The following DCC variants were observed in gnomAD, a reference collection of about 807,000 sequenced individuals.
DCC encodes the protein DCC netrin 1 receptor.
In DCC, 58 loss-of-function variants were observed where a neutral mutation model predicts 172.5. That is an observed-to-expected ratio of 0.34 (90% CI 0.27 to 0.42). DCC has a LOEUF of 0.42. DCC is among the 10% of genes least tolerant of loss of function. The probability of loss-of-function intolerance (pLI) is 1.00; values close to 1 mark genes in which losing one functional copy is unlikely to be tolerated. For synonymous variants in DCC, 709 were observed against 644.5 expected, an observed-to-expected ratio of 1.10 and a Z score of -1.52; for missense variants, 1,740 against 1,791.0, an observed-to-expected ratio of 0.97 and a Z score of 0.51.
Position 53,351,466 on chromosome 18 carries a change from G to GTGTGTATA in DCC, c.2359+11560_2359+11561insGTGTATAT, listed in dbSNP as rs1568075540. 2.4e-4 allele frequency among the ~76,000 whole-genome samples: 9 copies of GTGTGTATA among 37,294 alleles called. 1 individual carries two copies. Among genetic ancestry groups the GTGTGTATA allele is most frequent in the African/African-American group, 3.5e-4 (3 of 8,590 alleles). The allele number at this position is 37,294 out of a possible 152,430, so 24.5% of individuals were successfully genotyped here. On this transcript the variant is annotated intron_variant, in intron 15 of 28. Transcript: ENST00000442544. Reference sequence around the variant, plus strand: ...GTGTATATATATATATACACAGTGTGTATATATATATATATATATATATAG... The same window carrying GTGTGTATA: ...GTGTATATATATATATACACAGTGTGTGTGTATATATATATATATATATATATATATAG...
chr18:52,857,793 T>C (rs1255347942), intron 2 of DCC, among the ~76,000 whole-genome samples: 1 of 152,164 alleles, frequency 6.6e-6, no homozygotes, highest in Non-Finnish European at 1.5e-5. Flanking sequence ...TAGAAAAAGG[T>C]CGCTGTCAGT....
intron 27 of DCC, among the ~76,000 whole-genome samples, chr18:53,507,358 A>AC (rs1185825146): frequency 3.3e-5 from 5 of 152,212 alleles, no homozygotes; most frequent in Admixed American, 6.5e-5. Flanking sequence ...AAACAGTTTA[A>AC]CCATCAGCAA....
chr18:52,655,677 A>G (rs1486252044), intron 1 of DCC, among the ~76,000 whole-genome samples: 1 of 152,190 alleles, frequency 6.6e-6, no homozygotes. Flanking sequence ...TAAAGGACAT[A>G]GGCAGTTGTA....
At chr18:52,386,084 G>A (rs1189492781) in intron 1 of DCC, among the ~76,000 whole-genome samples, 1 of 152,028 alleles carries the variant, frequency 6.6e-6, no homozygotes, top group South Asian at 2.1e-4. Context: ...TCTAGCATAA[G>A]GTCAGAACTC....
intron 1 of DCC, among the ~76,000 whole-genome samples, chr18:52,497,647 T>A (rs2030855236): frequency 6.6e-6 from 1 of 152,098 alleles, no homozygotes; most frequent in South Asian, 2.1e-4. Context: ...TAGTAGTAGG[T>A]GCTGCTTATG....
At chr18:53,059,060 A>G (rs2042456160) in intron 5 of DCC, among the ~76,000 whole-genome samples, 1 of 152,082 alleles carries the variant, frequency 6.6e-6, no homozygotes. Context: ...GGAGGCAAAC[A>G]TGTCTTTGTT....
intron 7 of DCC, among the ~76,000 whole-genome samples, chr18:53,145,105 CTTTT>C (rs57501246): frequency 2.7e-5 from 1 of 36,908 alleles, no homozygotes; most frequent in Non-Finnish European, 4.4e-5. Flanking sequence ...GAGGGCTCTG[CTTTT>C]TTTTTTTTTT....
At chr18:52,907,494 G>T (rs2039906665) in intron 3 of DCC, among the ~76,000 whole-genome samples, 1 of 151,928 alleles carries the variant, frequency 6.6e-6, no homozygotes, top group Non-Finnish European at 1.5e-5. Context: ...ACAGCTCACT[G>T]CTGCCTCAAC....
intron 7 of DCC, among the ~76,000 whole-genome samples, chr18:53,114,249 C>T (rs2043377685): frequency 7.1e-6 from 1 of 141,150 alleles, no homozygotes; most frequent in Non-Finnish European, 1.5e-5. Flanking sequence ...TTTTAATGAA[C>T]ACCCCCCCCA....
chr18:53,006,927 A>G (rs1048834732), intron 5 of DCC, among the ~76,000 whole-genome samples: 1 of 152,194 alleles, frequency 6.6e-6, no homozygotes, highest in Non-Finnish European at 1.5e-5. Context: ...ATGGATTCCA[A>G]AGAGATTGCT....
At chr18:53,160,406 A>G (rs1341896549) in intron 8 of DCC, among the ~76,000 whole-genome samples, 1 of 152,130 alleles carries the variant, frequency 6.6e-6, no homozygotes, top group Non-Finnish European at 1.5e-5. Context: ...GTTTTCCTTC[A>G]CTTATTCCAT....
At chr18:53,292,660 G>A (rs1344032286) in intron 12 of DCC, among the ~76,000 whole-genome samples, 2 of 152,190 alleles carry the variant, frequency 1.3e-5, no homozygotes, top group Admixed American at 1.3e-4. Context: ...CTGCACTCCA[G>A]CCTGGGTGAC....
intron 2 of DCC, among the ~76,000 whole-genome samples, chr18:52,861,294 C>G (rs73956080): frequency 0.044 from 6,638 of 152,126 alleles, 491 homozygotes; most frequent in African/African-American, 0.15. Flanking sequence ...TTCCAAGGAG[C>G]TTTTTATTGG....
intron 12 of DCC, among the ~76,000 whole-genome samples, chr18:53,248,338 G>C (rs912372605): frequency 6.6e-6 from 1 of 151,938 alleles, no homozygotes; most frequent in Non-Finnish European, 1.5e-5. Context: ...CCCCAGAATG[G>C]TCCTGTGGGC....
chr18:53,457,165 A>G (rs1310587541), intron 23 of DCC, among the ~76,000 whole-genome samples: 2 of 152,188 alleles, frequency 1.3e-5, no homozygotes, highest in East Asian at 3.8e-4. Context: ...CAGCAGAAAA[A>G]TGCCTGTTCA....
chr18:52,390,188 C>G (rs1985976869), intron 1 of DCC, among the ~76,000 whole-genome samples: 1 of 152,086 alleles, frequency 6.6e-6, no homozygotes, highest in South Asian at 2.1e-4. Context: ...AGGTTGTTGG[C>G]TCTCCCACAA....
chr18:52,463,724 T>C (rs1988699808), intron 1 of DCC, among the ~76,000 whole-genome samples: 1 of 152,188 alleles, frequency 6.6e-6, no homozygotes, highest in African/African-American at 2.4e-5. Flanking sequence ...TTCCAGTCAC[T>C]GTACTAGGTG....
chr18:53,282,296 G>C (rs973064506), intron 12 of DCC, among the ~76,000 whole-genome samples: 1 of 152,106 alleles, frequency 6.6e-6, no homozygotes, highest in Non-Finnish European at 1.5e-5. Flanking sequence ...AGACTGTCCT[G>C]CTTCTACCAC....
Position 52,436,160 on chromosome 18 carries a change from T to C in DCC, c.91+95282T>C, listed in dbSNP as rs950584214. 6.6e-5 allele frequency among the ~76,000 whole-genome samples: 10 copies of C among 152,226 alleles called. 1 individual carries two copies. Among genetic ancestry groups the C allele is most frequent in the African/African-American group, 2.4e-4 (10 of 41,468 alleles). On this transcript the variant is annotated intron_variant, in intron 1 of 28. Coordinates refer to ENST00000442544, the MANE Select transcript of DCC (RefSeq NM_005215.4). Reference sequence around the variant, plus strand: ...GAAAACACAAGGACTGTTTTTGAAATACGTGGACATGAGTGTCACAAAGTT... The same window carrying C: ...GAAAACACAAGGACTGTTTTTGAAACACGTGGACATGAGTGTCACAAAGTT...
Sources: allele counts gnomAD v4.1 joint callset (sites outside exome capture counted in the v4.1 genomes callset), GRCh38; gene constraint gnomAD v4.1.1; transcripts MANE v1.5; gene names NCBI Gene and HGNC (gene_info 2026-07-23, HGNC 2026-07-21).